The following CYP39A1 variants were observed in gnomAD, a reference collection of about 807,000 sequenced individuals.
CYP39A1 encodes the protein cytochrome P450 family 39 subfamily A member 1, also known as 24-hydroxycholesterol 7-alpha-hydroxylase.
CYP39A1 carries 49 observed loss-of-function variants against 58.1 expected under a neutral mutation model. The ratio of observed to expected loss-of-function variants is 0.84; its 90% CI spans 0.67 to 1.07. CYP39A1 has a LOEUF of 1.07. Ranked by LOEUF, CYP39A1 falls within the 50% of genes least tolerant of loss-of-function variation. The probability of loss-of-function intolerance (pLI) is 0.00; values close to 1 mark genes in which losing one functional copy is unlikely to be tolerated. For synonymous variants in CYP39A1, 209 were observed against 187.6 expected, an observed-to-expected ratio of 1.11 and a Z score of -0.93; for missense variants, 531 against 539.4, an observed-to-expected ratio of 0.98 and a Z score of 0.16.
rs773270179 is a variant in CYP39A1 at position 46,652,540 on chromosome 6, G to A, written c.43C>T (p.Leu15Phe). ...CGCTGAAGGAGTAAGAACAGAGCAAGGCAACCCAGGATTATAATCACTGTT... is the reference window on the plus strand; with the variant it reads ...CGCTGAAGGAGTAAGAACAGAGCAAAGCAACCCAGGATTATAATCACTGTT... ...SPTVIIILGC[L>F]ALFLLLQRKN... Residue 15 changes from leucine to phenylalanine, a missense_variant, in exon 1 of 12, where the codon CTT becomes TTT. By Grantham distance (22) the Leu-to-Phe change is conservative. Coordinates refer to ENST00000275016, the MANE Select transcript of CYP39A1 (RefSeq NM_016593.5). The A allele has an allele frequency of 1.9e-6, 3 of 1,612,006 alleles. No homozygotes were observed.
chr6:46,642,102 T>C (rs1776374327), intron 2 of CYP39A1, 61 bp downstream of exon 2: 1 of 1,574,630 alleles, frequency 6.4e-7, no homozygotes. Flanking sequence ...AATTTTTACC[T>C]AAAACTACTC....
At chr6:46,643,464 T>TG (rs1397278167) in intron 1 of CYP39A1, among the ~76,000 whole-genome samples, 1 of 149,368 alleles carries the variant, frequency 6.7e-6, no homozygotes, top group East Asian at 2.0e-4. Context: ...GTCCCATTTT[T>TG]GTGCATTAGT....
At chr6:46,644,260 T>G (rs1216897558) in intron 1 of CYP39A1, among the ~76,000 whole-genome samples, 3 of 152,238 alleles carry the variant, frequency 2.0e-5, no homozygotes, top group Non-Finnish European at 4.4e-5. Context: ...GGCTTTTCAT[T>G]CAGTGTAATT....
At chr6:46,605,575 G>C (rs1773797188) in intron 7 of CYP39A1, among the ~76,000 whole-genome samples, 1 of 152,166 alleles carries the variant, frequency 6.6e-6, no homozygotes, top group Non-Finnish European at 1.5e-5. Context: ...ACGCAGAAGG[G>C]AAAGAGTTTA....
intron 5 of CYP39A1, among the ~76,000 whole-genome samples, chr6:46,632,813 T>C (rs990987272): frequency 6.6e-6 from 1 of 152,132 alleles, no homozygotes; most frequent in South Asian, 2.1e-4. Flanking sequence ...TAAGCCACTA[T>C]GCTATACTGG....
chr6:46,581,844 A>C (rs1772152441), intron 10 of CYP39A1, among the ~76,000 whole-genome samples: 1 of 152,232 alleles, frequency 6.6e-6, no homozygotes, highest in Admixed American at 6.5e-5. Flanking sequence ...TGTTCTTGAC[A>C]TACTTATGTC....
At chr6:46,589,793 G>A (rs563096604) in intron 8 of CYP39A1, among the ~76,000 whole-genome samples, 1 of 152,064 alleles carries the variant, frequency 6.6e-6, no homozygotes, top group Non-Finnish European at 1.5e-5. Flanking sequence ...GAGCAGGGTT[G>A]GGGGCAGCAC....
intron 10 of CYP39A1, among the ~76,000 whole-genome samples, chr6:46,574,847 T>C (rs1223919234): frequency 6.6e-6 from 1 of 151,762 alleles, no homozygotes; most frequent in East Asian, 1.9e-4. Flanking sequence ...TTAATTTTTT[T>C]AGGGAGCCAA....
At chr6:46,553,356 T>A (rs1283381822) in intron 11 of CYP39A1, among the ~76,000 whole-genome samples, 1 of 152,352 alleles carries the variant, frequency 6.6e-6, no homozygotes, top group East Asian at 1.9e-4. Context: ...TTTTTTTCCA[T>A]GCTGTTCCTT....
At chr6:46,638,344 TAACAAC>T (rs908998798) in intron 3 of CYP39A1, among the ~76,000 whole-genome samples, 2 of 151,650 alleles carry the variant, frequency 1.3e-5, no homozygotes, top group African/African-American at 2.4e-5. Context: ...ACAACAACAA[TAACAAC>T]AACAACAACA....
At chr6:46,638,753 G>C (rs547734544) in intron 3 of CYP39A1, among the ~76,000 whole-genome samples, 42 of 151,918 alleles carry the variant, frequency 2.8e-4, no homozygotes, top group Non-Finnish European at 5.6e-4. Flanking sequence ...AATGTTCACT[G>C]TCATTCTGAG....
intron 7 of CYP39A1, among the ~76,000 whole-genome samples, chr6:46,604,296 A>G (rs1018995140): frequency 1.4e-4 from 22 of 152,210 alleles, no homozygotes; most frequent in African/African-American, 5.3e-4. Context: ...CCCCAATACA[A>G]TCACCTTTTC....
rs143826080 is a variant in CYP39A1 at position 46,645,185 on chromosome 6, T to C, written c.178-2887A>G. On this transcript the variant is annotated intron_variant, in intron 1 of 11. Coordinates refer to ENST00000275016, the MANE Select transcript of CYP39A1 (RefSeq NM_016593.5). ...GTTTTTCCTTTTATGAACTGTCCTT[T>C]TGGTGTCAAGTCTAAGAGCTATTTT... Among the ~76,000 whole-genome samples the C allele has an allele frequency of 7.9e-4, 121 of 152,338 alleles. 1 individual carries two copies. Among genetic ancestry groups the C allele is most frequent in the African/African-American group, 2.6e-3 (110 of 41,588 alleles).
rs551269159 is a variant in CYP39A1, at chr6:46,553,766, C to G, written c.1338+1G>C. 1.2e-4 allele frequency: 192 copies of G among 1,595,134 alleles called. 5 individuals are homozygous for G. The South Asian group carries it at 2.0e-3, about 17-fold the overall frequency. On this transcript the variant is annotated splice_donor_variant, in intron 11 of 11. Coordinates refer to ENST00000275016, the MANE Select transcript of CYP39A1 (RefSeq NM_016593.5). LOFTEE classifies it high-confidence loss of function. ...ATACTCAAAATTCTGAAAACACTTA[C>G]CTGTTTGGGTAATGGGTCCAGAAGA...
intron 5 of CYP39A1, 58 bp from the exon 6 acceptor site, chr6:46,631,128 AT>A (rs1775635165): frequency 7.7e-7 from 1 of 1,293,508 alleles, no homozygotes; most frequent in African/African-American, 1.5e-5. Flanking sequence ...ATCGATGTTA[AT>A]AAACAAGAGA....
chr6:46,634,523 G>GTTT lies in CYP39A1; in HGVS notation c.732+1865_732+1866insAAA, dbSNP rs530045412. 4.1e-4 allele frequency among the ~76,000 whole-genome samples: 54 copies of GTTT among 131,022 alleles called. 4 individuals are homozygous for GTTT. The highest frequency in any genetic ancestry group is 9.1e-4 in the Admixed American group (11 of 12,106). 86.0% of individuals were successfully genotyped at this position (131,022 alleles called of 152,430 possible). Reference sequence around the variant, plus strand: ...GGAATTTTACTTTTTTTTTCTTTTTGCTTTTTTTTTTTTTTTGAGATGGAG... The same window carrying GTTT: ...GGAATTTTACTTTTTTTTTCTTTTTGTTTCTTTTTTTTTTTTTTTGAGATGGAG... On this transcript the variant is annotated intron_variant, in intron 5 of 11. Transcript: ENST00000275016.
At chr6:46,627,749 T>C (rs76889408) in intron 6 of CYP39A1, among the ~76,000 whole-genome samples, 1,603 of 152,294 alleles carry the variant, frequency 0.011, 13 homozygotes, top group Non-Finnish European at 0.019. Context: ...TTACAGTTTT[T>C]AAAATTTTTT....
intron 7 of CYP39A1, among the ~76,000 whole-genome samples, chr6:46,620,313 G>T (rs75894952): frequency 5.3e-5 from 8 of 152,048 alleles, no homozygotes; most frequent in Non-Finnish European, 7.4e-5. Context: ...CTCATTATGC[G>T]ACAAGTTTGG....
chr6:46,622,134 G>A (rs553107887), intron 7 of CYP39A1, among the ~76,000 whole-genome samples: 1 of 152,128 alleles, frequency 6.6e-6, no homozygotes, highest in South Asian at 2.1e-4. Context: ...AATGTGTCAG[G>A]ACAATAAGTA....
Sources: allele counts gnomAD v4.1 joint callset (sites outside exome capture counted in the v4.1 genomes callset), GRCh38; gene constraint gnomAD v4.1.1; transcripts MANE v1.5; gene names NCBI Gene and HGNC (gene_info 2026-07-23, HGNC 2026-07-21).